Variants in DSTYK observed in about 807,000 individuals in gnomAD.
DSTYK encodes RIP-homologous kinase.
A neutral mutation model predicts 98.7 loss-of-function variants in DSTYK; 34 were observed. That is an observed-to-expected ratio of 0.34 (90% CI 0.26 to 0.46). The LOEUF (loss-of-function observed/expected upper bound fraction) is 0.46. Among genes scored for constraint, DSTYK ranks in the 20% least tolerant of loss-of-function variants. The pLI is 1.00. For missense variants in DSTYK, 962 were observed against 1,181.7 expected, an observed-to-expected ratio of 0.81 and a Z score of 2.73; for synonymous variants, 462 against 457.3, an observed-to-expected ratio of 1.01 and a Z score of -0.13.
Position 205,160,251 on chromosome 1 carries a change from C to G in DSTYK, c.1968G>C (p.Gln656His), listed in dbSNP as rs773749326. Residue 656 changes from glutamine (Q) to histidine (H), a missense_variant, in exon 8 of 13, where the codon CAG becomes CAC. This residue lies in a region of DSTYK where 660 missense variants were observed against 855.0 expected (regional missense o/e 0.77). Transcript: ENST00000367162. ...CACCATACTGGCCCCGGCCCAGTTC[C>G]TGTCCCAGTTTAGGTTTACCTATAA... ...VLLHRKPKLG[Q>H]ELGRGQYGVV... The G allele has an allele frequency of 2.5e-6, 4 of 1,614,138 alleles. No individual in the cohort carries two copies. The highest frequency in any genetic ancestry group is 3.4e-6 in the Non-Finnish European group (4 of 1,180,020).
rs761213465 is a variant in DSTYK at position 205,211,490 on chromosome 1, G to C, written c.46C>G (p.Pro16Ala). 7 of 1,580,496 alleles carry C rather than the reference G, an allele frequency of 4.4e-6. No homozygotes were observed. The East Asian group carries it at 9.3e-5, about 21-fold the overall frequency. ...ATCATTCCGCCGCCGCCGGGGCCGG[G>C]ACCCGAGACGGGCTCGCTGCCCCAT... ...VPWGSEPVSG[P>A]GPGGGGMIRE... Residue 16 changes from proline (P) to alanine (A), a missense_variant, in exon 1 of 13, where the codon CCC becomes GCC. By Grantham distance (27) the Pro-to-Ala change is conservative. Transcript: ENST00000367162.
At chr1:205,183,209 G>C (rs958841727) in intron 2 of DSTYK, among the ~76,000 whole-genome samples, 1 of 152,132 alleles carries the variant, frequency 6.6e-6, no homozygotes, top group Non-Finnish European at 1.5e-5. Flanking sequence ...TGAAGGAAAG[G>C]CAGGAGGGTG....
In DSTYK at chr1:205,210,375, C is replaced by T. The variant is rs567316089; in HGVS notation, c.265+896G>A. On this transcript the variant is annotated intron_variant, in intron 1 of 12. Transcript: ENST00000367162. ...TAAATTAAACCCACAGACTTCTTTG[C>T]TGTTTTGTCCCCAAGATATCTATCT... Among the ~76,000 whole-genome samples, 14 of 152,278 alleles carry T rather than the reference C, an allele frequency of 9.2e-5. No homozygotes were observed. The Middle Eastern group carries it at 0.01, about 111-fold the overall frequency.
chr1:205,175,735 T>C (rs1017641323), intron 2 of DSTYK, among the ~76,000 whole-genome samples: 1 of 152,190 alleles, frequency 6.6e-6, no homozygotes, highest in Non-Finnish European at 1.5e-5. Context: ...TTATGGGCCT[T>C]AGTATGGCCA....
Position 205,171,781 on chromosome 1 carries a change from A to C in DSTYK, c.655-1949T>G, listed in dbSNP as rs563610212. 9.8e-5 allele frequency among the ~76,000 whole-genome samples: 15 copies of C among 152,304 alleles called. No homozygotes were observed. The South Asian group carries it at 2.9e-3, about 29-fold the overall frequency. On this transcript the variant is annotated intron_variant, in intron 2 of 12. Coordinates refer to ENST00000367162, the MANE Select transcript of DSTYK (RefSeq NM_015375.3). ...TAAACTCAGAATCAATCCTCCATAG[A>C]ATTCTAGCATATTTTAGAGTTATAA...
Position 205,147,000 on chromosome 1 carries a change from T to G in DSTYK, c.*558A>C, listed in dbSNP as rs928334182. 1.3e-5 allele frequency: 2 copies of G among 152,720 alleles called. No individual in the cohort carries two copies. The highest frequency in any genetic ancestry group is 4.8e-5 in the African/African-American group (2 of 41,408). The allele number at this position is 152,720 out of a possible 1,614,324, so 9.5% of individuals were successfully genotyped here. On this transcript the variant is annotated 3_prime_UTR_variant, in exon 13 of 13. Coordinates refer to ENST00000367162, the MANE Select transcript of DSTYK (RefSeq NM_015375.3). ...GCACTATGAGGAACAGATAGCTCTG[T>G]TTCTAGCTCCCTCACTGGGACTTCT...
chr1:205,210,605 T>C lies in DSTYK; in HGVS notation c.265+666A>G, dbSNP rs560997898. Among the ~76,000 whole-genome samples the C allele has an allele frequency of 5.3e-5, 8 of 152,334 alleles. No homozygotes were observed. In the South Asian group the frequency reaches 8.3e-4, roughly 16 times the overall value. Reference sequence around the variant, plus strand: ...TCATGCAAGAAAGAACAAGAGTAGCTAGTTCTCCATTGGCTCAGGACCAAA... The same window carrying C: ...TCATGCAAGAAAGAACAAGAGTAGCCAGTTCTCCATTGGCTCAGGACCAAA... On this transcript the variant is annotated intron_variant, in intron 1 of 12. Coordinates refer to ENST00000367162, the MANE Select transcript of DSTYK (RefSeq NM_015375.3).
Position 205,169,319 on chromosome 1 carries a change from G to C in DSTYK, c.1168C>G (p.Arg390Gly). 1 of 1,614,106 alleles carries C rather than the reference G, an allele frequency of 6.2e-7. No homozygotes were observed. The highest frequency in any genetic ancestry group is 8.5e-7 in the Non-Finnish European group (1 of 1,180,014). The change falls in exon 3 of 13, where the codon CGT becomes GGT. Residue 390 changes from arginine to glycine, a missense_variant. Arg to Gly is a moderately radical substitution (Grantham distance 125). Coordinates refer to ENST00000367162, the MANE Select transcript of DSTYK (RefSeq NM_015375.3). The surrounding 1 kb of genome is among the most constrained non-coding windows in gnomAD (Gnocchi z 4.0). The part of the protein sequence containing the change: ...MQRDLQITPK[R>G]LEYTRKKENE... Reference sequence around the variant, plus strand: ...TCCTTTTTTCGAGTATATTCCAGACGTTTGGGAGTGATCTGCAGGTCCCGC... The same window carrying C: ...TCCTTTTTTCGAGTATATTCCAGACCTTTGGGAGTGATCTGCAGGTCCCGC...
chr1:205,187,343 CT>C, intron 2 of DSTYK, 74 bp downstream of exon 2: 5 of 1,483,942 alleles, frequency 3.4e-6, no homozygotes, highest in Middle Eastern at 1.8e-4. Flanking sequence ...CATCGAATTA[CT>C]TTTTTAGAAA....
rs56379815 is a variant in DSTYK at position 205,147,577 on chromosome 1, C to T, written c.2771G>A (p.Gly924Glu). The change falls in exon 13 of 13, where the codon GGA becomes GAA. Residue 924 changes from glycine to glutamate, a missense_variant. Coordinates refer to ENST00000367162, the MANE Select transcript of DSTYK (RefSeq NM_015375.3). ...TTGCTTTCAAGTAGAATCATCTAGTCCTCTGTTTGGCTGCTCAGAATTGGA... is the reference window on the plus strand; with the variant it reads ...TTGCTTTCAAGTAGAATCATCTAGTTCTCTGTTTGGCTGCTCAGAATTGGA... ...CKSNSEQPNRGLDDST is the reference protein window; with the variant it reads ...CKSNSEQPNRELDDST 1.2e-6 allele frequency: 2 copies of T among 1,610,766 alleles called. No individual in the cohort carries two copies. Among genetic ancestry groups the T allele is most frequent in the East Asian group, 4.5e-5 (2 of 44,754 alleles).
intron 1 of DSTYK, among the ~76,000 whole-genome samples, chr1:205,203,038 AAAACCAGACTGGATTTTTATTTAAAT>A (rs1368802377): frequency 2.0e-5 from 3 of 152,200 alleles, no homozygotes; most frequent in East Asian, 1.9e-4. Context: ...ACAAAATATA[AAAACCAGACTGGATTTTTATTTAAAT>A]CCATGCCTTC....
chr1:205,179,152 A>C (rs1449193982), intron 2 of DSTYK, among the ~76,000 whole-genome samples: 2 of 151,888 alleles, frequency 1.3e-5, no homozygotes, highest in South Asian at 4.2e-4. Context: ...GACAGGAATT[A>C]TAGCCCCATC....
intron 2 of DSTYK, among the ~76,000 whole-genome samples, chr1:205,172,257 T>C (rs1658086748): frequency 6.6e-6 from 1 of 151,720 alleles, no homozygotes; most frequent in African/African-American, 2.4e-5. Context: ...ACACCCAGCA[T>C]GAGCAGTAGG....
chr1:205,150,648 G>T lies in DSTYK; in HGVS notation c.2467+32C>A. Reference sequence around the variant, plus strand: ...ACTCAGGATTAAAGTAGTACGCCCTGCCCAGACCCACTGCCTGCCCTCCAG... The same window carrying T: ...ACTCAGGATTAAAGTAGTACGCCCTTCCCAGACCCACTGCCTGCCCTCCAG... On this transcript the variant is annotated intron_variant, in intron 11 of 12. Transcript: ENST00000367162. The surrounding 1 kb of genome is among the most constrained non-coding windows in gnomAD (Gnocchi z 4.1). 6.5e-7 allele frequency: 1 copy of T among 1,549,428 alleles called. No individual in the cohort carries two copies. The highest frequency in any genetic ancestry group is 8.9e-7 in the Non-Finnish European group (1 of 1,122,704).
intron 8 of DSTYK, 119 bp from the exon 9 acceptor site, chr1:205,159,798 C>T: frequency 7.7e-7 from 1 of 1,292,334 alleles, no homozygotes; most frequent in Non-Finnish European, 1.1e-6. Flanking sequence ...GAGGTAATGG[C>T]CCTCAGTGCA....
chr1:205,184,954 T>C (rs1177774945), intron 2 of DSTYK, among the ~76,000 whole-genome samples: 2 of 152,168 alleles, frequency 1.3e-5, no homozygotes, highest in Non-Finnish European at 2.9e-5. Flanking sequence ...ATCCCAGCAC[T>C]TTGCAAGGTT....
chr1:205,179,615 C>A, intron 2 of DSTYK, among the ~76,000 whole-genome samples: 2 of 142,728 alleles, frequency 1.4e-5, no homozygotes, highest in African/African-American at 5.2e-5. Context: ...AGTGAGAGTC[C>A]GTCTCAAAAA....
At chr1:205,155,084 A>G (rs940754642) in intron 10 of DSTYK, among the ~76,000 whole-genome samples, 2 of 152,060 alleles carry the variant, frequency 1.3e-5, no homozygotes, top group Non-Finnish European at 2.9e-5. Flanking sequence ...TCCCAGGTTC[A>G]AGCAATTCTC....
At chr1:205,170,515 A>G (rs1658027677) in intron 2 of DSTYK, among the ~76,000 whole-genome samples, 1 of 152,184 alleles carries the variant, frequency 6.6e-6, no homozygotes, top group Non-Finnish European at 1.5e-5. Flanking sequence ...GCATGTGGTA[A>G]GTCCTAAATA....
Sources: allele counts gnomAD v4.1 joint callset (sites outside exome capture counted in the v4.1 genomes callset), GRCh38; gene constraint gnomAD v4.1.1; regional missense constraint gnomAD v4.1.1; non-coding constraint Gnocchi (gnomAD v3.1); transcripts MANE v1.5; gene names NCBI Gene and HGNC (gene_info 2026-07-23, HGNC 2026-07-21).